MYO3A: variants seen among roughly 807,000 people sequenced by gnomAD.
The protein encoded by MYO3A is myosin-IIIa.
A neutral mutation model predicts 192.7 loss-of-function variants in MYO3A; 180 were observed. That is an observed-to-expected ratio of 0.93 (90% CI 0.83 to 1.06). MYO3A has a LOEUF of 1.06. MYO3A is among the 50% of genes least tolerant of loss of function. The pLI is 0.00. For missense variants in MYO3A, 1,896 were observed against 1,905.0 expected, an observed-to-expected ratio of 1.00 and a Z score of 0.09; for synonymous variants, 628 against 645.3, an observed-to-expected ratio of 0.97 and a Z score of 0.41.
intron 4 of MYO3A, among the ~76,000 whole-genome samples, chr10:25,967,783 AAATAT>A (rs1039848959): frequency 4.1e-4 from 62 of 152,366 alleles, no homozygotes; most frequent in African/African-American, 1.2e-3. Context: ...TAAAACTTAA[AAATAT>A]AATATATATG....
At position 26,102,226 on chromosome 10, in the gene MYO3A, G is replaced by A. The variant is rs535412296; in HGVS notation, c.1776+5544G>A. On this transcript the variant is annotated intron_variant, in intron 17 of 34. Transcript: ENST00000642920. ...CTTTTGCATGCGTCACATAGTTCTC[G>A]TGCCATGGTTTTCAGCTCCATCAGA... 2.0e-5 allele frequency among the ~76,000 whole-genome samples: 3 copies of A among 152,182 alleles called. 1 individual carries two copies. In the East Asian group the frequency reaches 5.8e-4, roughly 29 times the overall value.
chr10:26,114,767 G>T (rs1429177460), intron 17 of MYO3A, among the ~76,000 whole-genome samples: 4 of 152,192 alleles, frequency 2.6e-5, no homozygotes, highest in African/African-American at 9.7e-5. Context: ...TGTGCTAAAA[G>T]TTAGAGATGT....
chr10:26,021,223 C>T (rs747791793), intron 7 of MYO3A, among the ~76,000 whole-genome samples: 5 of 152,128 alleles, frequency 3.3e-5, no homozygotes, highest in African/African-American at 9.7e-5. Context: ...ATTTGGGACA[C>T]GATTTCTTTC....
chr10:26,112,468 C>A (rs1838250372), intron 17 of MYO3A, among the ~76,000 whole-genome samples: 1 of 152,222 alleles, frequency 6.6e-6, no homozygotes, highest in African/African-American at 2.4e-5. Flanking sequence ...ACAATAGCTG[C>A]TTCTAATCTA....
chr10:26,067,398 T>G (rs1834919883), intron 11 of MYO3A, among the ~76,000 whole-genome samples: 1 of 152,208 alleles, frequency 6.6e-6, no homozygotes, highest in Admixed American at 6.5e-5. Context: ...ATCTTCCTTC[T>G]TTTTCATTAT....
chr10:26,166,506 A>C (rs1463466244), intron 27 of MYO3A, among the ~76,000 whole-genome samples: 1 of 152,120 alleles, frequency 6.6e-6, no homozygotes, highest in Non-Finnish European at 1.5e-5. Context: ...ACACCACTGC[A>C]CTCCAGCCTA....
chr10:26,062,530 A>AAAAAACAAAAAAAACGAAAAAAAACG (rs1554816581), intron 10 of MYO3A, among the ~76,000 whole-genome samples: 1 of 125,946 alleles, frequency 7.9e-6, no homozygotes, highest in Non-Finnish European at 1.7e-5. Flanking sequence ...AAAAAAAAAA[A>AAAAAACAAAAAAAACGAAAAAAAACG]AAATTATGGA....
intron 17 of MYO3A, among the ~76,000 whole-genome samples, chr10:26,104,855 T>G (rs1224338052): frequency 2.3e-5 from 3 of 128,988 alleles, no homozygotes; most frequent in Admixed American, 8.1e-5. Context: ...TCCCAGAGTC[T>G]TGTTTATAGA....
chr10:26,081,139 C>T (rs545739879), intron 14 of MYO3A, among the ~76,000 whole-genome samples: 4 of 106,308 alleles, frequency 3.8e-5, no homozygotes, highest in South Asian at 3.3e-4. Flanking sequence ...CCCTTCCCCC[C>T]CCCCCCGCCC....
At position 26,054,484 on chromosome 10, in the gene MYO3A, T is replaced by C. The variant is rs577078081; in HGVS notation, c.954-12491T>C. Among the ~76,000 whole-genome samples the C allele has an allele frequency of 1.9e-4, 29 of 152,312 alleles. 1 individual carries two copies. The South Asian group carries it at 6.0e-3, about 32-fold the overall frequency. On this transcript the variant is annotated intron_variant, in intron 10 of 34. Coordinates refer to ENST00000642920, the MANE Select transcript of MYO3A (RefSeq NM_017433.5). ...TTCTGTATTCTGTACATTTTCCATT[T>C]GCCTTTCTAGATTTTGGTAGGCTGA...
intron 4 of MYO3A, among the ~76,000 whole-genome samples, chr10:25,974,293 T>G (rs981351224): frequency 1.3e-5 from 2 of 152,318 alleles, no homozygotes; most frequent in South Asian, 4.1e-4. Context: ...ACTTAAATAA[T>G]TTTTTAAAAG....
chr10:25,987,771 A>G (rs1226958719), intron 4 of MYO3A, among the ~76,000 whole-genome samples: 1 of 152,152 alleles, frequency 6.6e-6, no homozygotes, highest in East Asian at 1.9e-4. Context: ...CCACTATGGA[A>G]CCACTATGGA....
At chr10:26,034,908 TG>T (rs1393638002) in intron 10 of MYO3A, among the ~76,000 whole-genome samples, 3 of 149,468 alleles carry the variant, frequency 2.0e-5, no homozygotes, top group Non-Finnish European at 4.5e-5. Flanking sequence ...TATGTTTTTG[TG>T]TTTTTTTTAC....
At chr10:25,982,653 C>A (rs1182403658) in intron 4 of MYO3A, among the ~76,000 whole-genome samples, 8 of 152,144 alleles carry the variant, frequency 5.3e-5, no homozygotes, top group Admixed American at 1.3e-4. Flanking sequence ...TAACCCAGAG[C>A]CTGGTAGCTC....
At chr10:26,185,731 T>C (rs929558571) in intron 31 of MYO3A, among the ~76,000 whole-genome samples, 8 of 152,158 alleles carry the variant, frequency 5.3e-5, no homozygotes, top group African/African-American at 1.9e-4. Context: ...CAACCCACAT[T>C]ACTCACCCCC....
intron 10 of MYO3A, among the ~76,000 whole-genome samples, chr10:26,039,946 C>T (rs1325248976): frequency 6.6e-6 from 1 of 151,426 alleles, no homozygotes; most frequent in Non-Finnish European, 1.5e-5. Context: ...TCTTTTCTAG[C>T]TCTTGCATAC....
intron 25 of MYO3A, among the ~76,000 whole-genome samples, chr10:26,155,455 A>G (rs544510126): frequency 6.6e-6 from 1 of 152,282 alleles, no homozygotes; most frequent in South Asian, 2.1e-4. Context: ...TTGTTTACCT[A>G]TTCTGATAAA....
intron 34 of MYO3A, among the ~76,000 whole-genome samples, chr10:26,209,982 A>T (rs370460867): frequency 2.0e-5 from 3 of 152,282 alleles, no homozygotes; most frequent in East Asian, 1.9e-4. Context: ...TCATGCCTGT[A>T]GTCCCAGCTA....
At chr10:26,153,815 T>TA (rs755858354) in intron 23 of MYO3A, 35 bp from the exon 24 acceptor site, 3 of 1,352,640 alleles carry the variant, frequency 2.2e-6, no homozygotes, top group Admixed American at 1.7e-5. Flanking sequence ...TTAAGGATTC[T>TA]AAAAGGTATA....
Sources: gnomAD v4.1 joint callset for allele counts (sites outside exome capture counted in the v4.1 genomes callset) on GRCh38, gnomAD v4.1.1 for gene constraint, MANE v1.5 for transcripts, NCBI Gene and HGNC (gene_info 2026-07-23, HGNC 2026-07-21) for gene names.